The following TOP2B variants were observed in gnomAD, a reference collection of about 807,000 sequenced individuals.
The protein encoded by TOP2B is DNA topoisomerase II beta.
TOP2B carries 51 observed loss-of-function variants against 193.5 expected under a neutral mutation model. The observed-to-expected ratio is 0.26, with a 90% CI of 0.21 to 0.33. TOP2B has a LOEUF of 0.33. Ranked by LOEUF, TOP2B falls within the 10% of genes least tolerant of loss-of-function variation. The probability of loss-of-function intolerance (pLI) is 1.00; values close to 1 mark genes in which losing one functional copy is unlikely to be tolerated. For synonymous variants in TOP2B, 634 were observed against 635.7 expected (o/e 1.00, Z 0.04); for missense variants, 1,378 against 1,909.3 (o/e 0.72, Z 5.19).
chr3:25,626,560 C>A lies in TOP2B; in HGVS notation c.2224G>T (p.Gly742Cys). 1 of 1,455,692 alleles carries A rather than the reference C, an allele frequency of 6.9e-7. No individual in the cohort carries two copies. The allele number at this position is 1,455,692 out of a possible 1,614,324, so 90.2% of individuals were successfully genotyped here. ...AATGAGGTTTTTAAATATTACTCAC[C>A]ATCAACAAGAGATGGTATAGATCTT... ...NERSIPSLVD[G>C]FKPGQRKVLF... The change falls in exon 18 of 36, where the codon GGC (glycine) becomes TGC (cysteine). Residue 742 changes from glycine to cysteine, a missense_variant and splice_region_variant. This residue lies in a region of TOP2B where 379 missense variants were observed against 615.1 expected (regional missense o/e 0.62). Transcript: ENST00000264331.
chr3:25,627,646 A>G lies in TOP2B; in HGVS notation c.1907-350T>C, dbSNP rs371084967. Among the ~76,000 whole-genome samples, 8 of 152,232 alleles carry G rather than the reference A, an allele frequency of 5.3e-5. No homozygotes were observed. In the East Asian group the frequency reaches 1.2e-3, roughly 22 times the overall value. ...ATCCAGAATGTGGAATATTACACAG[A>G]ACAAACAACCCAACTTCTTTAACAA... On this transcript the variant is annotated intron_variant, in intron 15 of 35. Transcript: ENST00000264331.
chr3:25,623,702 A>C lies in TOP2B; in HGVS notation c.2540T>G (p.Leu847Arg). 6.2e-7 allele frequency: 1 copy of C among 1,613,842 alleles called. No homozygotes were observed. Among genetic ancestry groups the C allele is most frequent in the Non-Finnish European group, 8.5e-7 (1 of 1,179,790 alleles). Residue 847 changes from leucine (L) to arginine (R), a missense_variant, in exon 21 of 36, where the codon CTT becomes CGT. Coordinates refer to ENST00000264331, the MANE Select transcript of TOP2B (RefSeq NM_001330700.2). Reference sequence around the variant, plus strand: ...TTGATTATCATCATAAAGGAACTTAAGGAGGTTGTCATCCACAGCAGGAAA... The same window carrying C: ...TTGATTATCATCATAAAGGAACTTACGGAGGTTGTCATCCACAGCAGGAAA... ...LLFPAVDDNL[L>R]KFLYDDNQRV...
intron 7 of TOP2B, among the ~76,000 whole-genome samples, chr3:25,635,090 G>T (rs150797702): frequency 4.8e-4 from 73 of 152,230 alleles, no homozygotes; most frequent in African/African-American, 1.6e-3. Flanking sequence ...GCAAGAGACA[G>T]ATCACCTCTG....
At chr3:25,642,437 A>C (rs1232295946) in intron 3 of TOP2B, 52 bp from the exon 4 acceptor site, 3 of 1,176,486 alleles carry the variant, frequency 2.5e-6, no homozygotes, top group African/African-American at 1.5e-5. Flanking sequence ...ATAAATAAAT[A>C]CATGGACACA....
chr3:25,622,920 C>A lies in TOP2B; in HGVS notation c.2727+595G>T, dbSNP rs116651451. Among the ~76,000 whole-genome samples, 754 of 152,138 alleles carry A rather than the reference C, an allele frequency of 5.0e-3. 9 individuals are homozygous for A. The highest frequency in any genetic ancestry group is 0.017 in the African/African-American group (719 of 41,516). On this transcript the variant is annotated intron_variant, in intron 21 of 35. Transcript: ENST00000264331. ...GCCTCCAAAGTGCTGGGATTACAGG[C>A]GTGAGCCTGAGCAACACCTAATTTT...
At position 25,602,553 on chromosome 3, in the gene TOP2B, T is replaced by C. The variant is rs117585602; in HGVS notation, c.4490-1328A>G. Among the ~76,000 whole-genome samples the C allele has an allele frequency of 1.0e-3, 156 of 151,266 alleles. 1 individual carries two copies. In the East Asian group the frequency reaches 0.027, roughly 26 times the overall value. On this transcript the variant is annotated intron_variant, in intron 33 of 35. Coordinates refer to ENST00000264331, the MANE Select transcript of TOP2B (RefSeq NM_001330700.2). ...ATGGAAAATGTATTCCAGTCGCAATTTGAGACACTACAAATAAGGCCCCTC... is the reference window on the plus strand; with the variant it reads ...ATGGAAAATGTATTCCAGTCGCAATCTGAGACACTACAAATAAGGCCCCTC...
At position 25,645,401 on chromosome 3, in the gene TOP2B, T is replaced by C; in HGVS notation, c.139A>G (p.Lys47Glu). ...TACACTCTCTCAACAGACAACTTCT[T>C]TGAAGAATCATTTTTGTTGGCAGTT... ...SETANKNDSS[K>E]KLSVERVYQK... The change falls in exon 2 of 36, where the codon AAG (lysine) becomes GAG (glutamate). Residue 47 changes from lysine to glutamate, a missense_variant. By Grantham distance (56) the Lys-to-Glu change is moderately conservative. This residue lies in a region of TOP2B where 83 missense variants were observed against 59.3 expected (regional missense o/e 1.40). Coordinates refer to ENST00000264331, the MANE Select transcript of TOP2B (RefSeq NM_001330700.2). 1.2e-6 allele frequency: 2 copies of C among 1,613,868 alleles called. No individual in the cohort carries two copies. Among genetic ancestry groups the C allele is most frequent in the Non-Finnish European group, 1.7e-6 (2 of 1,179,838 alleles).
At chr3:25,625,958 G>A (rs1702789686) in intron 18 of TOP2B, among the ~76,000 whole-genome samples, 1 of 152,114 alleles carries the variant, frequency 6.6e-6, no homozygotes, top group Non-Finnish European at 1.5e-5. Context: ...CTTCATAGAA[G>A]AAAGGCGATT....
chr3:25,664,554 C>A lies in TOP2B; in HGVS notation c.-257G>T. The A allele has an allele frequency of 9.1e-7, 1 of 1,100,486 alleles. No individual in the cohort carries two copies. The highest frequency in any genetic ancestry group is 5.3e-5 in the East Asian group (1 of 18,816). 68.2% of individuals were successfully genotyped at this position (1,100,486 alleles called of 1,614,324 possible). ...CCTAGCGCGGCGGCTGAGGAGAAAG[C>A]AGGGAGCGACCGGCGGCGGCCGAGC... On this transcript the variant is annotated 5_prime_UTR_variant, in exon 1 of 36. Transcript: ENST00000264331.
intron 7 of TOP2B, among the ~76,000 whole-genome samples, chr3:25,635,586 C>T (rs971260620): frequency 2.6e-5 from 4 of 152,072 alleles, no homozygotes; most frequent in African/African-American, 9.7e-5. Flanking sequence ...TTGACAGGCT[C>T]TTCAGGAAAC....
chr3:25,611,560 G>C (rs372579680), intron 28 of TOP2B, among the ~76,000 whole-genome samples: 188 of 152,206 alleles, frequency 1.2e-3, no homozygotes, highest in South Asian at 2.3e-3. Flanking sequence ...AAATCAACCT[G>C]TCCAAAAACA....
At chr3:25,644,341 A>C (rs1429622540) in intron 2 of TOP2B, among the ~76,000 whole-genome samples, 1 of 152,242 alleles carries the variant, frequency 6.6e-6, no homozygotes, top group Non-Finnish European at 1.5e-5. Flanking sequence ...AGCAGTAAAC[A>C]ATAGTCAGTG....
chr3:25,631,206 T>C (rs114928051), intron 10 of TOP2B, among the ~76,000 whole-genome samples: 1 of 152,130 alleles, frequency 6.6e-6, no homozygotes, highest in African/African-American at 2.4e-5. Flanking sequence ...GGAATATGCA[T>C]TGCTCTTGTT....
In TOP2B at chr3:25,607,211, C is replaced by T. The variant is rs1702256693; in HGVS notation, c.4258G>A (p.Glu1420Lys). ...FVPSDGLDKD[E>K]YTFSPGKSKA... ...GATTTGCCTGGTGAAAATGTATATT[C>T]ATCTTTATCTAACCCATCTGAAGGA... Residue 1420 changes from glutamate (E) to lysine (K), a missense_variant, in exon 31 of 36, where the codon GAA becomes AAA. Glu to Lys is a moderately conservative substitution (Grantham distance 56). Around this residue, in one of 9 missense-constraint regions of TOP2B, gnomAD observed 556 missense variants for 584.2 expected, o/e 0.95. Transcript: ENST00000264331. 6.2e-7 allele frequency: 1 copy of T among 1,605,480 alleles called. No homozygotes were observed. The highest frequency in any genetic ancestry group is 8.5e-7 in the Non-Finnish European group (1 of 1,175,458).
At chr3:25,626,978 T>A (rs775817110) in intron 16 of TOP2B, 114 bp from the exon 17 acceptor site, 1 of 732,174 alleles carries the variant, frequency 1.4e-6, no homozygotes, top group Non-Finnish European at 2.2e-6. Context: ...AATTAGGTTA[T>A]TTTACAATAT....
At chr3:25,620,853 T>C in intron 21 of TOP2B, 37 bp from the exon 22 acceptor site, 1 of 1,603,576 alleles carries the variant, frequency 6.2e-7, no homozygotes. Flanking sequence ...GACTTCTCTC[T>C]TGAGTACCAG....
In TOP2B at chr3:25,664,502, C is replaced by T. The variant is rs1021258229; in HGVS notation, c.-205G>A. 6 of 1,177,686 alleles carry T rather than the reference C, an allele frequency of 5.1e-6. No homozygotes were observed. In the South Asian group the frequency reaches 2.5e-4, roughly 50 times the overall value. The allele number at this position is 1,177,686 out of a possible 1,614,324, so 73.0% of individuals were successfully genotyped here. On this transcript the variant is annotated 5_prime_UTR_variant, in exon 1 of 36. Transcript: ENST00000264331. ...CCGCGCCGCCGGCTGCCCTCAAACT[C>T]GAGGCGCGGCGTCCGCGTCGCCCGG...
rs1159668846 is a variant in TOP2B, at chr3:25,664,455, C to G, written c.-158G>C. On this transcript the variant is annotated 5_prime_UTR_variant, in exon 1 of 36. Transcript: ENST00000264331. ...CATCGCGAAGATCCGGAGCGGACGT[C>G]CAGCCGAGCCCGCTGAGGAGGCCGC... The G allele has an allele frequency of 3.6e-5, 44 of 1,236,516 alleles. No homozygotes were observed. Among genetic ancestry groups the G allele is most frequent in the Non-Finnish European group, 4.4e-5 (44 of 991,966 alleles). The allele number at this position is 1,236,516 out of a possible 1,614,324, so 76.6% of individuals were successfully genotyped here. A position where few individuals can be genotyped will look rare whatever the true frequency, so the allele number is the denominator to read the frequency against.
chr3:25,657,367 G>C (rs1023004882), intron 1 of TOP2B, among the ~76,000 whole-genome samples: 1 of 152,156 alleles, frequency 6.6e-6, no homozygotes, highest in Non-Finnish European at 1.5e-5. Flanking sequence ...CCTTAGAAGA[G>C]AGAAGCTAAA....
Sources: gnomAD v4.1 joint callset for allele counts (sites outside exome capture counted in the v4.1 genomes callset) on GRCh38, gnomAD v4.1.1 for gene constraint, gnomAD v4.1.1 regional missense constraint, MANE v1.5 for transcripts, NCBI Gene and HGNC (gene_info 2026-07-23, HGNC 2026-07-21) for gene names.